Variants in KAZALD1 observed in about 807,000 individuals in gnomAD.
KAZALD1 encodes the protein Kazal type serine peptidase inhibitor domain 1.
KAZALD1 carries 31 observed loss-of-function variants against 27.7 expected under a neutral mutation model. The ratio of observed to expected loss-of-function variants is 1.12; its 90% CI spans 0.84 to 1.51. The LOEUF (loss-of-function observed/expected upper bound fraction) is 1.51. KAZALD1 is among the 40% of genes most tolerant of loss of function. The pLI, the probability that KAZALD1 is intolerant of heterozygous loss-of-function variation, is 0.00. For synonymous variants in KAZALD1, 179 were observed against 182.0 expected, an observed-to-expected ratio of 0.98 and a Z score of 0.13; for missense variants, 444 against 408.9, an observed-to-expected ratio of 1.09 and a Z score of -0.74.
At chr10:101,063,155 T>C in intron 2 of KAZALD1, 52 bp downstream of exon 2, 2 of 1,433,982 alleles carry the variant, frequency 1.4e-6, no homozygotes, top group Non-Finnish European at 1.8e-6. Flanking sequence ...CTAGAGGCAC[T>C]GCTCCCCGAC....
chr10:101,062,290 T>G (rs938924639), intron 1 of KAZALD1, among the ~76,000 whole-genome samples, 175 bp downstream of exon 1: 1 of 152,142 alleles, frequency 6.6e-6, no homozygotes, highest in South Asian at 2.1e-4. Flanking sequence ...TGGGTGTGCG[T>G]GCGCCTGAGC....
chr10:101,067,299 A>G (rs1430961960), downstream of KAZALD1: 1 of 456,738 alleles, frequency 2.2e-6, no homozygotes, highest in East Asian at 6.9e-5. Flanking sequence ...CAGAGTTGCC[A>G]GGCCTGAAGG....
chr10:101,064,564 A>G lies in KAZALD1; in HGVS notation c.736A>G (p.Ser246Gly), dbSNP rs1939264519. 2.5e-6 allele frequency: 4 copies of G among 1,614,152 alleles called. No individual in the cohort carries two copies. Among genetic ancestry groups the G allele is most frequent in the Non-Finnish European group, 3.4e-6 (4 of 1,180,028 alleles). The change falls in exon 4 of 5, where the codon AGT becomes GGT. Residue 246 changes from serine (S) to glycine (G), a missense_variant. By Grantham distance (56) the Ser-to-Gly change is moderately conservative. Transcript: ENST00000370200. ...GCTGCAGATCCAGGCTGTGCGTCCC[A>G]GTGATGAGGGCACTTACCGCTGCCT... is the stretch of plus-strand genomic sequence containing the variant. ...GWLQIQAVRP[S>G]DEGTYRCLGR...
rs1939283653 is a variant in KAZALD1, at chr10:101,064,984, G to A, written c.*64G>A. ...TAGTGTTCATCCCTGCTCTTGAAAA[G>A]ACCTGGAAAGGGGAGCAGGGTCCCT... On this transcript the variant is annotated 3_prime_UTR_variant, in exon 5 of 5. Coordinates refer to ENST00000370200, the MANE Select transcript of KAZALD1 (RefSeq NM_030929.5). The A allele has an allele frequency of 8.3e-7, 1 of 1,206,124 alleles. No homozygotes were observed. Among genetic ancestry groups the A allele is most frequent in the Non-Finnish European group, 1.2e-6 (1 of 815,728 alleles). 74.7% of individuals were successfully genotyped at this position (1,206,124 alleles called of 1,614,324 possible). A position where few individuals can be genotyped will look rare whatever the true frequency, so the allele number is the denominator to read the frequency against.
At chr10:101,063,150 G>A (rs1939214695) in intron 2 of KAZALD1, 47 bp downstream of exon 2, 1 of 1,456,184 alleles carries the variant, frequency 6.9e-7, no homozygotes, top group Non-Finnish European at 9.1e-7. Context: ...GTTTCCTAGA[G>A]GCACTGCTCC....
rs552394380 is a variant in KAZALD1 at position 101,064,681 on chromosome 10, G to A, written c.820+33G>A. On this transcript the variant is annotated intron_variant, in intron 4 of 4. Coordinates refer to ENST00000370200, the MANE Select transcript of KAZALD1 (RefSeq NM_030929.5). ...GATTCCTGAGTTCTGGGGGTTGGGG[G>A]GATGGTGCTGGATTCCAGTTGTGAA... 5 of 1,612,140 alleles carry A rather than the reference G, an allele frequency of 3.1e-6. No homozygotes were observed. The African/African-American group carries it at 5.3e-5, about 17-fold the overall frequency.
chr10:101,062,877 T>A lies in KAZALD1; in HGVS notation c.285T>A (p.Ser95Arg). 1 of 1,602,918 alleles carries A rather than the reference T, an allele frequency of 6.2e-7. No individual in the cohort carries two copies. The part of the protein sequence containing the change: ...LEGQLCDLDP[S>R]AHFYGHCGEQ... ...GCCAGCTCTGCGACCTGGACCCCAG[T>A]GCTCACTTCTACGGGCACTGCGGCG... is the stretch of plus-strand genomic sequence containing the variant. The change falls in exon 2 of 5, where the codon AGT (serine) becomes AGA (arginine). Residue 95 changes from serine (S) to arginine (R), a missense_variant. Physicochemically the swap from Ser to Arg is moderately radical, Grantham distance 110. Coordinates refer to ENST00000370200, the MANE Select transcript of KAZALD1 (RefSeq NM_030929.5).
In KAZALD1 at chr10:101,064,350, G is replaced by A. The variant is rs1939256605; in HGVS notation, c.601G>A (p.Ala201Thr). The stretch of plus-strand genomic sequence containing the variant: ...CTGTGAAGTGTTTGCCTACCCCATG[G>A]CCTCCATCGAGTGGAGGAAGGATGG... ...FGCEVFAYPM[A>T]SIEWRKDGLD... Residue 201 changes from alanine to threonine, a missense_variant, in exon 3 of 5, where the codon GCC (alanine) becomes ACC (threonine). Transcript: ENST00000370200. 3 of 1,614,054 alleles carry A rather than the reference G, an allele frequency of 1.9e-6. No individual in the cohort carries two copies. The highest frequency in any genetic ancestry group is 1.3e-5 in the African/African-American group (1 of 74,926).
chr10:101,065,224 C>G lies in KAZALD1; in HGVS notation c.*304C>G, dbSNP rs1939290207. On this transcript the variant is annotated 3_prime_UTR_variant, in exon 5 of 5. Transcript: ENST00000370200. Reference sequence around the variant, plus strand: ...TCCCAGGCTGGGGTGGGGGCCTGAGCAGACACAGAGGTGCAGGCACCAGGA... The same window carrying G: ...TCCCAGGCTGGGGTGGGGGCCTGAGGAGACACAGAGGTGCAGGCACCAGGA... 2.8e-6 allele frequency: 1 copy of G among 359,206 alleles called. No individual in the cohort carries two copies. Among genetic ancestry groups the G allele is most frequent in the African/African-American group, 2.1e-5 (1 of 48,286 alleles). The allele number at this position is 359,206 out of a possible 1,614,324, so 22.3% of individuals were successfully genotyped here.
In KAZALD1 at chr10:101,065,000, C is replaced by A; in HGVS notation, c.*80C>A. The A allele has an allele frequency of 1.9e-6, 2 of 1,037,758 alleles. No homozygotes were observed. Among genetic ancestry groups the A allele is most frequent in the Non-Finnish European group, 3.0e-6 (2 of 671,038 alleles). The allele number at this position is 1,037,758 out of a possible 1,614,324, so 64.3% of individuals were successfully genotyped here. ...TCTTGAAAAGACCTGGAAAGGGGAG[C>A]AGGGTCCCTTCATCGACTGCTTTCA... On this transcript the variant is annotated 3_prime_UTR_variant, in exon 5 of 5. Transcript: ENST00000370200.
chr10:101,068,113 TAAAA>T (rs1434213803), downstream of KAZALD1: 1 of 426,354 alleles, frequency 2.3e-6, no homozygotes, highest in East Asian at 7.3e-5. Context: ...AAAATCTGAA[TAAAA>T]AAAAGATGCT....
Position 101,065,168 on chromosome 10 carries a change from C to A in KAZALD1, c.*248C>A, listed in dbSNP as rs1018172879. ...TACAAAGGGGCCCATGCAGGAGATG[C>A]CCTGGCCAGTAGGACCTCCAACAGG... On this transcript the variant is annotated 3_prime_UTR_variant, in exon 5 of 5. Coordinates refer to ENST00000370200, the MANE Select transcript of KAZALD1 (RefSeq NM_030929.5). 2.3e-5 allele frequency: 11 copies of A among 487,896 alleles called. No individual in the cohort carries two copies. The highest frequency in any genetic ancestry group is 4.1e-5 in the Non-Finnish European group (11 of 269,740). The allele number at this position is 487,896 out of a possible 1,614,324, so 30.2% of individuals were successfully genotyped here.
chr10:101,064,156 G>A, intron 2 of KAZALD1, 105 bp from the exon 3 acceptor site: 5 of 1,171,222 alleles, frequency 4.3e-6, no homozygotes, highest in Non-Finnish European at 6.2e-6. Flanking sequence ...CATATATTGT[G>A]TTCTGCCACA....
At chr10:101,064,787 C>T in intron 4 of KAZALD1, 39 bp from the exon 5 acceptor site, 1 of 1,605,824 alleles carries the variant, frequency 6.2e-7, no homozygotes, top group Non-Finnish European at 8.5e-7. Flanking sequence ...GACAGCCCCT[C>T]TCTCCTGTTC....
At position 101,066,625 on chromosome 10, in the gene KAZALD1, A is replaced by T; in HGVS notation, c.*1705A>T. 2.5e-6 allele frequency: 1 copy of T among 400,918 alleles called. No individual in the cohort carries two copies. Among genetic ancestry groups the T allele is most frequent in the South Asian group, 1.8e-5 (1 of 56,942 alleles). The allele number at this position is 400,918 out of a possible 1,614,324, so 24.8% of individuals were successfully genotyped here. A position where few individuals can be genotyped will look rare whatever the true frequency, so the allele number is the denominator to read the frequency against. On this transcript the variant is annotated 3_prime_UTR_variant, in exon 5 of 5. Coordinates refer to ENST00000370200, the MANE Select transcript of KAZALD1 (RefSeq NM_030929.5). The stretch of plus-strand genomic sequence containing the variant: ...CGCTGAAAGAGGGGACGTGGGTGTG[A>T]GTCCCAGCATCAGCCAGGGAATCCG...
chr10:101,063,104 G>A lies in KAZALD1; in HGVS notation c.511+1G>A, dbSNP rs1316630273. ...GCACACCCGGGGCCCTGCGAATCGG[G>A]TACGCATGGCCCGGGGCCCCCACCC... On this transcript the variant is annotated splice_donor_variant, in intron 2 of 4. Transcript: ENST00000370200. LOFTEE classifies it high-confidence loss of function. The A allele has an allele frequency of 2.6e-6, 4 of 1,538,574 alleles. No homozygotes were observed. Among genetic ancestry groups the A allele is most frequent in the South Asian group, 2.4e-5 (2 of 83,176 alleles).
rs572214097 is a variant in KAZALD1 at position 101,066,372 on chromosome 10, C to G, written c.*1452C>G. The G allele has an allele frequency of 2.0e-5, 9 of 456,386 alleles. No homozygotes were observed. Among genetic ancestry groups the G allele is most frequent in the East Asian group, 1.4e-4 (2 of 14,372 alleles). The allele number at this position is 456,386 out of a possible 1,614,324, so 28.3% of individuals were successfully genotyped here. ...CCAGGTCCTGCTTGGCCGCCCCTCCCGCGGCTACGCACTACTCCATCTACT... is the reference window on the plus strand; with the variant it reads ...CCAGGTCCTGCTTGGCCGCCCCTCCGGCGGCTACGCACTACTCCATCTACT... On this transcript the variant is annotated 3_prime_UTR_variant, in exon 5 of 5. Transcript: ENST00000370200.
Position 101,064,664 on chromosome 10 carries a change from A to C in KAZALD1, c.820+16A>C, listed in dbSNP as rs752281929. On this transcript the variant is annotated intron_variant, in intron 4 of 4. Transcript: ENST00000370200. ...CTCACACCTGGTAAGGGGATTCCTG[A>C]GTTCTGGGGGTTGGGGGGATGGTGC... is the stretch of plus-strand genomic sequence containing the variant. 1.2e-6 allele frequency: 2 copies of C among 1,613,100 alleles called. No individual in the cohort carries two copies. The highest frequency in any genetic ancestry group is 3.3e-5 in the Admixed American group (2 of 60,018).
chr10:101,064,861 T>A lies in KAZALD1; in HGVS notation c.856T>A (p.Ser286Thr). The change falls in exon 5 of 5, where the codon TCA (serine) becomes ACA (threonine). Residue 286 changes from serine (S) to threonine (T), a missense_variant. Transcript: ENST00000370200. ...CTCTACAGGCATCCCCCAGCTGCGA[T>A]CACTAAACCTGGTTCCTGAGGAGGA... ...LNSTGIPQLRSLNLVPEEEAE... is the reference protein window; with the variant it reads ...LNSTGIPQLRTLNLVPEEEAE... 6.2e-7 allele frequency: 1 copy of A among 1,614,168 alleles called. No individual in the cohort carries two copies. The highest frequency in any genetic ancestry group is 8.5e-7 in the Non-Finnish European group (1 of 1,180,032).
Sources: gnomAD v4.1 joint callset for allele counts (sites outside exome capture counted in the v4.1 genomes callset) on GRCh38, gnomAD v4.1.1 for gene constraint, MANE v1.5 for transcripts, NCBI Gene and HGNC (gene_info 2026-07-23, HGNC 2026-07-21) for gene names.